Variants in CRPPA observed in about 807,000 individuals in gnomAD.
CRPPA encodes the protein CDP-L-ribitol pyrophosphorylase A.
Under a neutral mutation model 52.0 loss-of-function variants are expected in CRPPA, and 43 were observed. The observed-to-expected ratio is 0.83, with a 90% confidence interval of 0.65 to 1.07. The LOEUF is 1.07. CRPPA is among the 50% of genes least tolerant of loss of function. The pLI is 0.00. For synonymous variants in CRPPA, 250 were observed against 203.5 expected, an observed-to-expected ratio of 1.23 and a Z score of -1.94; for missense variants, 629 against 551.7, an observed-to-expected ratio of 1.14 and a Z score of -1.40.
intron 5 of CRPPA, among the ~76,000 whole-genome samples, chr7:16,288,870 T>A (rs979516014): frequency 0.034 from 1,969 of 58,048 alleles, 1 homozygote; most frequent in Middle Eastern, 0.05. Context: ...AAAAAAAAAA[T>A]CCCCAAAAAC....
At chr7:16,367,501 C>T (rs1786632940) in intron 3 of CRPPA, among the ~76,000 whole-genome samples, 1 of 151,698 alleles carries the variant, frequency 6.6e-6, no homozygotes, top group Non-Finnish European at 1.5e-5. Context: ...AAAACCCAAA[C>T]TTGTTGACAG....
chr7:16,116,001 T>C (rs1322542390), intron 9 of CRPPA, among the ~76,000 whole-genome samples: 2 of 152,162 alleles, frequency 1.3e-5, no homozygotes, highest in Non-Finnish European at 1.5e-5. Flanking sequence ...CAAGCAACAC[T>C]ATATAAAGGT....
chr7:16,119,389 T>TA (rs71007744), intron 9 of CRPPA, among the ~76,000 whole-genome samples: 17,146 of 149,910 alleles, frequency 0.11, 1,069 homozygotes, highest in East Asian at 0.14. Context: ...AAAAAAAAAT[T>TA]AAAAAAAATG....
intron 5 of CRPPA, among the ~76,000 whole-genome samples, chr7:16,284,744 C>A (rs1784388965): frequency 6.6e-6 from 1 of 152,112 alleles, no homozygotes; most frequent in Admixed American, 6.5e-5. Context: ...CTACTAGGAT[C>A]TAGGCTGAAG....
chr7:16,126,198 T>C (rs937569277), intron 9 of CRPPA, among the ~76,000 whole-genome samples: 1 of 152,122 alleles, frequency 6.6e-6, no homozygotes, highest in African/African-American at 2.4e-5. Context: ...TAGCAGTCAA[T>C]AGGCTCTTCC....
intron 3 of CRPPA, among the ~76,000 whole-genome samples, chr7:16,342,792 T>TAGAGATAGATAG: frequency 1.1e-5 from 1 of 91,534 alleles, no homozygotes; most frequent in African/African-American, 4.2e-5. Flanking sequence ...AATATATATA[T>TAGAGATAGATAG]ATATATCTAT....
At chr7:16,092,804 T>A (rs1781862389) in intron 9 of CRPPA, among the ~76,000 whole-genome samples, 1 of 152,218 alleles carries the variant, frequency 6.6e-6, no homozygotes, top group Non-Finnish European at 1.5e-5. Context: ...ATAAAATGTC[T>A]CTTATCCTCT....
intron 9 of CRPPA, among the ~76,000 whole-genome samples, chr7:16,107,984 G>T (rs892053827): frequency 6.6e-6 from 1 of 151,380 alleles, no homozygotes; most frequent in Non-Finnish European, 1.5e-5. Context: ...TAACCACAAA[G>T]AAAAAATATT....
intron 2 of CRPPA, among the ~76,000 whole-genome samples, chr7:16,384,911 A>G (rs1787214885): frequency 6.6e-6 from 1 of 152,238 alleles, no homozygotes; most frequent in Admixed American, 6.5e-5. Context: ...GCTATTATAA[A>G]TACATTCAAA....
chr7:16,307,406 G>C (rs1784933955), intron 4 of CRPPA, among the ~76,000 whole-genome samples: 1 of 152,048 alleles, frequency 6.6e-6, no homozygotes, highest in Admixed American at 6.6e-5. Flanking sequence ...GTTAGGCCAG[G>C]TGTGGTGGCT....
intron 8 of CRPPA, among the ~76,000 whole-genome samples, chr7:16,249,225 C>T (rs1783369272): frequency 6.6e-6 from 1 of 152,112 alleles, no homozygotes; most frequent in South Asian, 2.1e-4. Context: ...GCAGCAGCCC[C>T]AGTCAGGGGC....
At chr7:16,403,240 T>C (rs111264650) in intron 2 of CRPPA, among the ~76,000 whole-genome samples, 3 of 152,156 alleles carry the variant, frequency 2.0e-5, no homozygotes, top group Admixed American at 6.5e-5. Context: ...CCCGAACTTA[T>C]GGAAGCCATC....
intron 9 of CRPPA, among the ~76,000 whole-genome samples, chr7:16,156,659 G>A (rs373062267): frequency 1.3e-5 from 2 of 152,234 alleles, no homozygotes; most frequent in East Asian, 3.9e-4. Context: ...TCCATTCTAC[G>A]TTATGCTGAA....
chr7:16,175,004 T>C (rs1294031688), intron 9 of CRPPA, among the ~76,000 whole-genome samples: 5 of 152,136 alleles, frequency 3.3e-5, no homozygotes, highest in Admixed American at 3.3e-4. Flanking sequence ...AAGATTTTGT[T>C]GGTTTTTGAG....
chr7:16,133,625 C>T (rs1562520171), intron 9 of CRPPA, among the ~76,000 whole-genome samples: 1 of 123,838 alleles, frequency 8.1e-6, no homozygotes, highest in Non-Finnish European at 1.8e-5. Context: ...TCCCATGGTT[C>T]TTAGGTATTT....
chr7:16,286,091 A>ATAT (rs1401267207), intron 5 of CRPPA, among the ~76,000 whole-genome samples: 1 of 30,036 alleles, frequency 3.3e-5, no homozygotes, highest in African/African-American at 3.1e-4. Flanking sequence ...AATATTTAAA[A>ATAT]AAAAAAATAT....
intron 8 of CRPPA, among the ~76,000 whole-genome samples, chr7:16,229,772 C>CT (rs1782742969): frequency 6.6e-6 from 1 of 151,962 alleles, no homozygotes; most frequent in Admixed American, 6.6e-5. Context: ...TAGTGTTGTG[C>CT]TTTTTTTGGC....
chr7:16,298,120 T>C (rs1000588376), intron 5 of CRPPA, among the ~76,000 whole-genome samples: 1 of 152,162 alleles, frequency 6.6e-6, no homozygotes, highest in Non-Finnish European at 1.5e-5. Context: ...ACAATTTGAA[T>C]ACAAGTCATA....
intron 2 of CRPPA, among the ~76,000 whole-genome samples, chr7:16,397,035 T>A (rs1007166231): frequency 1.3e-5 from 2 of 151,866 alleles, no homozygotes; most frequent in Non-Finnish European, 2.9e-5. Flanking sequence ...CCAGAACAAA[T>A]GTGTAACACA....
Sources: gnomAD v4.1 joint callset for allele counts (sites outside exome capture counted in the v4.1 genomes callset) on GRCh38, gnomAD v4.1.1 for gene constraint, MANE v1.5 for transcripts, NCBI Gene and HGNC (gene_info 2026-07-23, HGNC 2026-07-21) for gene names.